Variants in CD109 observed in about 807,000 individuals in gnomAD.
CD109 encodes the protein CD109 molecule.
Under a neutral mutation model 165.8 loss-of-function variants are expected in CD109, and 149 were observed. The observed-to-expected ratio is 0.90, with a 90% confidence interval of 0.79 to 1.03. The LOEUF (loss-of-function observed/expected upper bound fraction) is 1.03. Among genes scored for constraint, CD109 ranks in the 50% least tolerant of loss-of-function variants. CD109 has a pLI of 0.00. For missense variants in CD109, 1,712 were observed against 1,677.8 expected (o/e 1.02, Z -0.36); for synonymous variants, 585 against 592.1 (o/e 0.99, Z 0.18).
chr6:73,764,829 A>C (rs1773773066), intron 10 of CD109, among the ~76,000 whole-genome samples: 3 of 151,854 alleles, frequency 2.0e-5, no homozygotes, highest in Admixed American at 6.5e-5. Flanking sequence ...AAAAAAAAAA[A>C]AAAACAACTA....
chr6:73,753,573 T>C (rs774542530), intron 5 of CD109, among the ~76,000 whole-genome samples: 5 of 152,210 alleles, frequency 3.3e-5, no homozygotes, highest in Admixed American at 6.5e-5. Flanking sequence ...CATTGTGTAG[T>C]AGAAAGCATA....
intron 5 of CD109, among the ~76,000 whole-genome samples, chr6:73,739,031 CCT>C (rs1772650513): frequency 6.6e-6 from 1 of 152,180 alleles, no homozygotes; most frequent in South Asian, 2.1e-4. Context: ...GTCTTGCTCA[CCT>C]CTCTATTCCT....
rs1311093634 is a variant in CD109, at chr6:73,826,819, C to T, written c.*3186C>T. The T allele has an allele frequency of 6.7e-6, 1 of 150,090 alleles. No individual in the cohort carries two copies. Among genetic ancestry groups the T allele is most frequent in the African/African-American group, 2.4e-5 (1 of 40,824 alleles). The allele number at this position is 150,090 out of a possible 1,614,324, so 9.3% of individuals were successfully genotyped here. A position where few individuals can be genotyped will look rare whatever the true frequency, so the allele number is the denominator to read the frequency against. ...ATTCAGAATTGTAGATAGCATAACT[C>T]TCCCTGCTCCTATTCTTTTGAGCCT... On this transcript the variant is annotated 3_prime_UTR_variant, in exon 33 of 33. Transcript: ENST00000287097.
chr6:73,811,132 C>G lies in CD109; in HGVS notation c.3687C>G (p.Leu1229=), dbSNP rs777016084. The change falls in exon 28 of 33, where the codon CTC becomes CTG. Residue 1229 remains leucine (L), a synonymous_variant. Coordinates refer to ENST00000287097, the MANE Select transcript of CD109 (RefSeq NM_133493.5). ...KFLIDTHNRL[L]LQTAELAVVQ... The stretch of plus-strand genomic sequence containing the variant: ...TGATTGACACACACAACCGCTTACT[C>G]CTTCAGACAGCAGAGGTGTGGGCAA... The G allele has an allele frequency of 6.2e-7, 1 of 1,612,974 alleles. No homozygotes were observed. Among genetic ancestry groups the G allele is most frequent in the South Asian group, 1.1e-5 (1 of 90,978 alleles).
At chr6:73,799,493 C>G (rs1375645210) in intron 23 of CD109, among the ~76,000 whole-genome samples, 2 of 152,158 alleles carry the variant, frequency 1.3e-5, no homozygotes, top group Non-Finnish European at 2.9e-5. Context: ...GTGCAGGAAG[C>G]ATAGCGCCGG....
the CD109 span, among the ~76,000 whole-genome samples, chr6:73,686,172 A>G: frequency 6.6e-6 from 1 of 152,136 alleles, no homozygotes; most frequent in Non-Finnish European, 1.5e-5. Context: ...CTGTGCTCCA[A>G]CTAGGTGCTG....
intron 25 of CD109, 26 bp downstream of exon 25, chr6:73,807,098 G>T: frequency 6.4e-7 from 1 of 1,551,482 alleles, no homozygotes; most frequent in South Asian, 1.1e-5. Flanking sequence ...TTTAATAAAT[G>T]ATAGATGGGA....
chr6:73,791,156 T>TACAC (rs1774928462), intron 22 of CD109, among the ~76,000 whole-genome samples: 4 of 28,716 alleles, frequency 1.4e-4, no homozygotes, highest in African/African-American at 5.4e-4. Context: ...TATATATATA[T>TACAC]ATATATATAT....
chr6:73,680,244 A>G, the CD109 span, among the ~76,000 whole-genome samples: 5 of 152,280 alleles, frequency 3.3e-5, no homozygotes, highest in South Asian at 8.3e-4. Context: ...TCTTTATACA[A>G]TTCTTTTTGA....
At chr6:73,703,337 A>G (rs894393939) in intron 2 of CD109, among the ~76,000 whole-genome samples, 6 of 152,266 alleles carry the variant, frequency 3.9e-5, no homozygotes, top group African/African-American at 1.2e-4. Flanking sequence ...TTGAATCGAA[A>G]GAATTACAAA....
intron 4 of CD109, among the ~76,000 whole-genome samples, chr6:73,732,800 G>T (rs1345037950): frequency 6.6e-6 from 1 of 152,156 alleles, no homozygotes; most frequent in Non-Finnish European, 1.5e-5. Flanking sequence ...TCTTTGATTT[G>T]CAGATTCTTT....
In CD109 at chr6:73,809,291, T is replaced by C. The variant is rs190918503; in HGVS notation, c.3356-693T>C. ...AACACCAACCTTCAGATAATGAAAA[T>C]GGGAGAGTCCAGAATATTAGAGCTA... On this transcript the variant is annotated intron_variant, in intron 26 of 32. Transcript: ENST00000287097. 2.5e-3 allele frequency among the ~76,000 whole-genome samples: 375 copies of C among 152,144 alleles called. 5 individuals are homozygous for C. The highest frequency in any genetic ancestry group is 0.014 in the Middle Eastern group (4 of 294).
In CD109 at chr6:73,788,453, C is replaced by T. The variant is rs939089372; in HGVS notation, c.2557-15C>T. 6.2e-7 allele frequency: 1 copy of T among 1,605,746 alleles called. No homozygotes were observed. The highest frequency in any genetic ancestry group is 8.5e-7 in the Non-Finnish European group (1 of 1,177,258). On this transcript the variant is annotated splice_polypyrimidine_tract_variant and intron_variant, in intron 21 of 32. Transcript: ENST00000287097. ...GAGTAGAGACCATGTTAATTGTGTT[C>T]ATTTTTTTCAACAGGCTGAAGGAAT... is the stretch of plus-strand genomic sequence containing the variant.
chr6:73,770,561 A>G (rs777524544), intron 14 of CD109, among the ~76,000 whole-genome samples: 9 of 152,298 alleles, frequency 5.9e-5, no homozygotes, highest in Middle Eastern at 3.4e-3. Context: ...CCTGGCCAAC[A>G]TGGTGAAACC....
intron 23 of CD109, among the ~76,000 whole-genome samples, chr6:73,800,298 T>G (rs547335580): frequency 1.3e-5 from 2 of 152,354 alleles, no homozygotes; most frequent in East Asian, 3.9e-4. Flanking sequence ...TTTTCACAGC[T>G]GCATAGTACT....
chr6:73,824,819 T>C lies in CD109; in HGVS notation c.*1186T>C, dbSNP rs1776223081. On this transcript the variant is annotated 3_prime_UTR_variant, in exon 33 of 33. Transcript: ENST00000287097. The stretch of plus-strand genomic sequence containing the variant: ...AATCCCCCTTTTTTCTTTTCTTCTC[T>C]CTTTTCTTTCCTTCTCCCTTTCTTC... 1 of 152,192 alleles carries C rather than the reference T, an allele frequency of 6.6e-6. No homozygotes were observed. The allele number at this position is 152,192 out of a possible 1,614,324, so 9.4% of individuals were successfully genotyped here. A position where few individuals can be genotyped will look rare whatever the true frequency, so the allele number is the denominator to read the frequency against.
chr6:73,822,742 T>A (rs920561786), intron 32 of CD109, among the ~76,000 whole-genome samples: 3 of 152,176 alleles, frequency 2.0e-5, no homozygotes, highest in Non-Finnish European at 4.4e-5. Flanking sequence ...AATGAAAATA[T>A]GGGAAAGATC....
chr6:73,762,931 T>C, intron 9 of CD109, 49 bp downstream of exon 9: 2 of 1,489,554 alleles, frequency 1.3e-6, no homozygotes, highest in Non-Finnish European at 1.8e-6. Flanking sequence ...GACACTGCTT[T>C]ATCATCTTTC....
intron 20 of CD109, among the ~76,000 whole-genome samples, chr6:73,786,377 A>G (rs1446729649): frequency 6.6e-6 from 1 of 152,060 alleles, no homozygotes; most frequent in African/African-American, 2.4e-5. Flanking sequence ...CACTTTATAT[A>G]TAATTTTTTT....
Sources: allele counts gnomAD v4.1 joint callset (sites outside exome capture counted in the v4.1 genomes callset), GRCh38; gene constraint gnomAD v4.1.1; transcripts MANE v1.5; gene names NCBI Gene and HGNC (gene_info 2026-07-23, HGNC 2026-07-21).